FAT3: variants seen among roughly 807,000 people sequenced by gnomAD.
FAT3 encodes FAT atypical cadherin 3.
A neutral mutation model predicts 310.2 loss-of-function variants in FAT3; 95 were observed. The ratio of observed to expected loss-of-function variants is 0.31; its 90% CI spans 0.26 to 0.36. FAT3 has a LOEUF of 0.36. FAT3 is among the 10% of genes least tolerant of loss of function. The pLI, the probability that FAT3 is intolerant of heterozygous loss-of-function variation, is 1.00. For synonymous variants in FAT3, 2,314 were observed against 2,192.9 expected (o/e 1.06, Z -1.54); for missense variants, 5,408 against 5,715.6 (o/e 0.95, Z 1.74).
chr11:92,456,193 A>G (rs1951488079), intron 2 of FAT3, among the ~76,000 whole-genome samples: 1 of 152,212 alleles, frequency 6.6e-6, no homozygotes, highest in African/African-American at 2.4e-5. Flanking sequence ...TACCTACTTC[A>G]TAAGGTCTCT....
chr11:92,854,185 G>A (rs953267675), intron 19 of FAT3, among the ~76,000 whole-genome samples: 2 of 152,208 alleles, frequency 1.3e-5, no homozygotes, highest in African/African-American at 4.8e-5. Flanking sequence ...TATCCATCCA[G>A]GTTGCGACAG....
intron 7 of FAT3, among the ~76,000 whole-genome samples, chr11:92,783,373 A>T (rs945001328): frequency 1.3e-5 from 2 of 150,858 alleles, no homozygotes; most frequent in Admixed American, 1.3e-4. Flanking sequence ...AAAAAAAAAA[A>T]AAAAAAAGGC....
At chr11:92,521,886 A>G (rs990242303) in intron 2 of FAT3, among the ~76,000 whole-genome samples, 32 of 152,058 alleles carry the variant, frequency 2.1e-4, no homozygotes, top group Non-Finnish European at 4.3e-4. Flanking sequence ...TCTTCCTAGT[A>G]TATCGGTCTA....
intron 1 of FAT3, among the ~76,000 whole-genome samples, chr11:92,242,831 A>G (rs1006484597): frequency 2.0e-5 from 3 of 152,120 alleles, no homozygotes; most frequent in Admixed American, 6.6e-5. Flanking sequence ...AGTAACTACT[A>G]CTTAAGGAGT....
chr11:92,278,265 C>T (rs758370884), intron 1 of FAT3, among the ~76,000 whole-genome samples: 2 of 152,108 alleles, frequency 1.3e-5, no homozygotes, highest in African/African-American at 4.8e-5. Flanking sequence ...AATTAATCAA[C>T]TATTAGGGAG....
At chr11:92,276,941 G>C (rs567864274) in intron 1 of FAT3, among the ~76,000 whole-genome samples, 2 of 152,182 alleles carry the variant, frequency 1.3e-5, no homozygotes, top group South Asian at 4.2e-4. Context: ...CTGGCTCCAA[G>C]ACACACTGTT....
intron 13 of FAT3, among the ~76,000 whole-genome samples, chr11:92,830,662 C>T (rs1054561035): frequency 1.3e-5 from 2 of 152,096 alleles, no homozygotes; most frequent in African/African-American, 2.4e-5. Context: ...AAATGCACAT[C>T]TCACACTTAA....
At chr11:92,768,858 C>A (rs1946388130) in intron 6 of FAT3, among the ~76,000 whole-genome samples, 1 of 152,100 alleles carries the variant, frequency 6.6e-6, no homozygotes, top group Admixed American at 6.5e-5. Flanking sequence ...ATTAATAGAC[C>A]CAGTGCTTGC....
intron 12 of FAT3, among the ~76,000 whole-genome samples, chr11:92,807,523 A>T (rs190562384): frequency 6.6e-6 from 1 of 152,192 alleles, no homozygotes; most frequent in Non-Finnish European, 1.5e-5. Flanking sequence ...TGTTTCTCGT[A>T]TCTGTAAGTT....
chr11:92,613,592 C>T (rs1278164477), intron 3 of FAT3, among the ~76,000 whole-genome samples: 5 of 151,970 alleles, frequency 3.3e-5, no homozygotes, highest in African/African-American at 1.2e-4. Flanking sequence ...CTCTTTATTC[C>T]TCTGGGATTA....
intron 3 of FAT3, among the ~76,000 whole-genome samples, chr11:92,646,512 A>G (rs552333111): frequency 6.2e-4 from 94 of 152,348 alleles, no homozygotes; most frequent in African/African-American, 1.9e-3. Context: ...AATTGCAGCC[A>G]TCTTTAATGT....
intron 4 of FAT3, among the ~76,000 whole-genome samples, chr11:92,759,905 A>T (rs1946100426): frequency 6.6e-6 from 1 of 152,050 alleles, no homozygotes; most frequent in East Asian, 1.9e-4. Context: ...CAAGGAGGTG[A>T]TTTTGTGCAC....
chr11:92,469,758 G>T (rs546055035), intron 2 of FAT3, among the ~76,000 whole-genome samples: 135 of 151,932 alleles, frequency 8.9e-4, no homozygotes, highest in Non-Finnish European at 1.6e-3. Flanking sequence ...CTCATGATCT[G>T]CCCACCTCAG....
intron 1 of FAT3, among the ~76,000 whole-genome samples, chr11:92,347,224 T>C (rs1948443611): frequency 6.6e-6 from 1 of 152,128 alleles, no homozygotes. Context: ...TGGCATTGGC[T>C]CTGGCACTGC....
chr11:92,729,639 A>T (rs1273896875), intron 4 of FAT3, among the ~76,000 whole-genome samples: 1 of 151,594 alleles, frequency 6.6e-6, no homozygotes, highest in Admixed American at 6.6e-5. Context: ...GTTGGCCAGG[A>T]TGGTCTCGAT....
intron 3 of FAT3, among the ~76,000 whole-genome samples, chr11:92,614,791 C>G (rs1940723840): frequency 6.6e-6 from 1 of 152,158 alleles, no homozygotes; most frequent in Admixed American, 6.5e-5. Context: ...GCTTCTAACT[C>G]AAGGTCACAA....
chr11:92,575,775 T>TG (rs1938450451), intron 3 of FAT3, among the ~76,000 whole-genome samples: 3 of 152,104 alleles, frequency 2.0e-5, no homozygotes, highest in Admixed American at 1.3e-4. Flanking sequence ...TTTGTTTGTT[T>TG]TTTTACAAAT....
intron 19 of FAT3, among the ~76,000 whole-genome samples, chr11:92,851,949 A>C (rs1190840268): frequency 6.6e-6 from 1 of 152,204 alleles, no homozygotes; most frequent in Non-Finnish European, 1.5e-5. Context: ...AGGTGTATAC[A>C]CTTCCTGAAA....
At chr11:92,427,137 A>C (rs1193059919) in intron 2 of FAT3, among the ~76,000 whole-genome samples, 1 of 152,136 alleles carries the variant, frequency 6.6e-6, no homozygotes, top group East Asian at 1.9e-4. Context: ...ACTTTGTAGC[A>C]ATTGTGAATG....
Sources: gnomAD v4.1 joint callset for allele counts (sites outside exome capture counted in the v4.1 genomes callset) on GRCh38, gnomAD v4.1.1 for gene constraint, MANE v1.5 for transcripts, NCBI Gene and HGNC (gene_info 2026-07-23, HGNC 2026-07-21) for gene names.